ZNF564: variants seen among roughly 807,000 people sequenced by gnomAD.
ZNF564 encodes zinc finger protein 564.
A neutral mutation model predicts 10.5 loss-of-function variants in ZNF564; 5 were observed. That is an observed-to-expected ratio of 0.48 (90% CI 0.25 to 1.00). The LOEUF is 1.00. Ranked by LOEUF, ZNF564 falls within the 50% of genes least tolerant of loss-of-function variation. The probability of loss-of-function intolerance (pLI) is 0.16; values close to 1 mark genes in which losing one functional copy is unlikely to be tolerated. For missense variants in ZNF564, 603 were observed against 669.7 expected (o/e 0.90, Z 1.10); for synonymous variants, 242 against 218.1 (o/e 1.11, Z -0.97).
intron 1 of ZNF564, chr19:12,548,050 C>T (rs2022186202): frequency 2.0e-6 from 1 of 493,994 alleles, no homozygotes; most frequent in Non-Finnish European, 2.6e-6. Context: ...TCAGGTGATC[C>T]ACCCACCTCA....
intron 3 of ZNF564, 63 bp from the exon 4 acceptor site, chr19:12,527,979 A>G: frequency 6.7e-7 from 1 of 1,492,898 alleles, no homozygotes; most frequent in Non-Finnish European, 9.0e-7. Context: ...TAGGTATTCG[A>G]CTTACATTTT....
intron 1 of ZNF564, chr19:12,548,080 T>C (rs564800108): frequency 9.5e-6 from 8 of 843,552 alleles, no homozygotes; most frequent in Admixed American, 6.2e-5. Context: ...AGGGCTGGGA[T>C]TACAGGCATG....
intron 1 of ZNF564, among the ~76,000 whole-genome samples, chr19:12,529,078 AAAAAC>A (rs2021749833): frequency 6.6e-6 from 1 of 152,124 alleles, no homozygotes; most frequent in South Asian, 2.1e-4. Context: ...CAAACAAACA[AAAAAC>A]AAAACAAAAA....
In ZNF564 at chr19:12,551,434, G is replaced by T. The variant is rs2022260670; in HGVS notation, c.-102C>A. On this transcript the variant is annotated 5_prime_UTR_variant, in exon 1 of 4. Transcript: ENST00000339282. ...TGCGGTGGAGCCACCGGGGCCACTG[G>T]AGAAGCGGAGACCGGAACCCAAACG... 2.8e-6 allele frequency: 4 copies of T among 1,448,386 alleles called. No individual in the cohort carries two copies. The highest frequency in any genetic ancestry group is 3.6e-6 in the Non-Finnish European group (4 of 1,097,978). The allele number at this position is 1,448,386 out of a possible 1,614,324, so 89.7% of individuals were successfully genotyped here. A position where few individuals can be genotyped will look rare whatever the true frequency, so the allele number is the denominator to read the frequency against.
Position 12,551,401 on chromosome 19 carries a change from C to T in ZNF564, c.-69G>A. ...TCCGGCCTGTGCAGGTCCCAGCGCGCCAGACGCTGCGGTGGAGCCACCGGG... is the reference window on the plus strand; with the variant it reads ...TCCGGCCTGTGCAGGTCCCAGCGCGTCAGACGCTGCGGTGGAGCCACCGGG... On this transcript the variant is annotated 5_prime_UTR_variant, in exon 1 of 4. Coordinates refer to ENST00000339282, the MANE Select transcript of ZNF564 (RefSeq NM_144976.4). 6.7e-7 allele frequency: 1 copy of T among 1,499,366 alleles called. No individual in the cohort carries two copies. The highest frequency in any genetic ancestry group is 8.9e-7 in the Non-Finnish European group (1 of 1,119,712). The allele number at this position is 1,499,366 out of a possible 1,614,324, so 92.9% of individuals were successfully genotyped here.
intron 1 of ZNF564, among the ~76,000 whole-genome samples, chr19:12,542,847 T>C (rs550907574): frequency 6.7e-5 from 10 of 148,826 alleles, no homozygotes; most frequent in African/African-American, 1.2e-4. Flanking sequence ...CTACTAAAAA[T>C]ACAAAATTAG....
rs952997117 is a variant in ZNF564, at chr19:12,526,146, C to A, written c.*300G>T. On this transcript the variant is annotated 3_prime_UTR_variant, in exon 4 of 4. Coordinates refer to ENST00000339282, the MANE Select transcript of ZNF564 (RefSeq NM_144976.4). Reference sequence around the variant, plus strand: ...AAGGCCTCAAAAGTCTCAGTTAATTCCAGCATGAAGCCTAATGTTTAAACT... The same window carrying A: ...AAGGCCTCAAAAGTCTCAGTTAATTACAGCATGAAGCCTAATGTTTAAACT... 41 of 252,928 alleles carry A rather than the reference C, an allele frequency of 1.6e-4. No homozygotes were observed. The highest frequency in any genetic ancestry group is 2.7e-4 in the Non-Finnish European group (35 of 131,534). 15.7% of individuals were successfully genotyped at this position (252,928 alleles called of 1,614,324 possible).
At chr19:12,540,044 C>T (rs766597163) in intron 1 of ZNF564, among the ~76,000 whole-genome samples, 32 of 151,084 alleles carry the variant, frequency 2.1e-4, no homozygotes, top group African/African-American at 4.9e-4. Context: ...ATGCCACTTG[C>T]GTAAGATTCA....
At chr19:12,532,317 C>T (rs1394470027) in intron 1 of ZNF564, among the ~76,000 whole-genome samples, 2 of 151,396 alleles carry the variant, frequency 1.3e-5, no homozygotes, top group East Asian at 1.9e-4. Flanking sequence ...GGGCGGATCA[C>T]GAGGTCAGGA....
chr19:12,548,716 T>C (rs1266014362), intron 1 of ZNF564: 1 of 691,372 alleles, frequency 1.4e-6, no homozygotes, highest in Non-Finnish European at 2.6e-6. Context: ...CCTCACATTA[T>C]TGTTACTTCC....
At chr19:12,530,150 T>G (rs1182340880) in intron 1 of ZNF564, 2 of 152,378 alleles carry the variant, frequency 1.3e-5, no homozygotes, top group African/African-American at 4.8e-5. Flanking sequence ...ATCCACGTTC[T>G]GACAAAATCC....
rs1206732434 is a variant in ZNF564 at position 12,551,354 on chromosome 19, C to T, written c.-22G>A. ...CCATTTCCTGGCTTCCAGGGTGTCC[C>T]GGGGTCCTGCCTACGGCTCTCTCCG... On this transcript the variant is annotated 5_prime_UTR_variant, in exon 1 of 4. Transcript: ENST00000339282. The T allele has an allele frequency of 1.2e-6, 2 of 1,601,720 alleles. No homozygotes were observed. Among genetic ancestry groups the T allele is most frequent in the South Asian group, 2.2e-5 (2 of 89,592 alleles).
intron 1 of ZNF564, among the ~76,000 whole-genome samples, chr19:12,532,392 G>A (rs4519447): frequency 0.62 from 92,432 of 149,630 alleles, 30,654 homozygotes; most frequent in Non-Finnish European, 0.73. Context: ...AAAATTAGCC[G>A]GGCGTGGTAG....
At chr19:12,538,404 T>C (rs1365480480) in intron 1 of ZNF564, among the ~76,000 whole-genome samples, 1 of 151,752 alleles carries the variant, frequency 6.6e-6, no homozygotes, top group African/African-American at 2.4e-5. Flanking sequence ...GGTGGGTGGA[T>C]CACGAGGTCA....
At chr19:12,537,063 G>A (rs1415402087) in intron 1 of ZNF564, among the ~76,000 whole-genome samples, 1 of 152,102 alleles carries the variant, frequency 6.6e-6, no homozygotes, top group African/African-American at 2.4e-5. Context: ...CATATAATCA[G>A]AATCATGCCA....
Position 12,528,292 on chromosome 19 carries a change from A to G in ZNF564, c.191+12T>C, listed in dbSNP as rs763801552. ...GAAGGAGACATTGCTTTATCTTGTC[A>G]GTGCAAATTACCTTAAAATTCTCCC... On this transcript the variant is annotated intron_variant, in intron 3 of 3. Transcript: ENST00000339282. 1.2e-6 allele frequency: 2 copies of G among 1,604,772 alleles called. No homozygotes were observed. Among genetic ancestry groups the G allele is most frequent in the Non-Finnish European group, 1.7e-6 (2 of 1,176,910 alleles).
chr19:12,544,308 C>G (rs1352618986), intron 1 of ZNF564, among the ~76,000 whole-genome samples: 1 of 152,168 alleles, frequency 6.6e-6, no homozygotes, highest in Non-Finnish European at 1.5e-5. Flanking sequence ...AAACGACGGA[C>G]AGTTAAACCC....
intron 1 of ZNF564, among the ~76,000 whole-genome samples, chr19:12,533,877 TA>T (rs35579657): frequency 0.21 from 28,110 of 134,926 alleles, 2,623 homozygotes; most frequent in African/African-American, 0.24. Flanking sequence ...CAATAGAGAT[TA>T]AAAAAAAAAA....
intron 1 of ZNF564, 56 bp downstream of exon 1, chr19:12,551,274 G>A: frequency 6.3e-7 from 1 of 1,579,830 alleles, no homozygotes; most frequent in Non-Finnish European, 8.6e-7. Context: ...GCCGGTTCCG[G>A]CCGGTTCCCA....
Sources: gnomAD v4.1 joint callset for allele counts (sites outside exome capture counted in the v4.1 genomes callset) on GRCh38, gnomAD v4.1.1 for gene constraint, MANE v1.5 for transcripts, NCBI Gene and HGNC (gene_info 2026-07-23, HGNC 2026-07-21) for gene names.